IGSF1: variants seen among roughly 807,000 people sequenced by gnomAD.
IGSF1 encodes immunoglobulin-like domain-containing protein 1.
Under a neutral mutation model 95.3 loss-of-function variants are expected in IGSF1, and 40 were observed. The ratio of observed to expected loss-of-function variants is 0.42; its 90% confidence interval spans 0.33 to 0.55. IGSF1 has a LOEUF of 0.55. Among genes scored for constraint, IGSF1 ranks in the 20% least tolerant of loss-of-function variants. IGSF1 has a pLI of 0.10. For missense variants in IGSF1, 906 were observed against 1,025.4 expected (o/e 0.88, Z 1.59); for synonymous variants, 372 against 382.9 (o/e 0.97, Z 0.33).
chrX:131,275,833 T>C (rs1569401539), intron 15 of IGSF1, 68 bp from the exon 16 acceptor site: 2 of 1,156,909 alleles, frequency 1.7e-6, no homozygotes, highest in East Asian at 3.0e-5. Flanking sequence ...AAATTAACAC[T>C]CTATCTTTCT....
chrX:131,277,234 GCAAAAAACAAAAACAAAAA>G lies in IGSF1; in HGVS notation c.2321-27_2321-9del. On this transcript the variant is annotated splice_polypyrimidine_tract_variant and intron_variant, in intron 13 of 19. Coordinates refer to ENST00000361420, the MANE Select transcript of IGSF1 (RefSeq NM_001555.5). ...AGGGCTTAGGGTACATTTCTAGAAG[GCAAAAAACAAAAACAAAAA>G]CAAAAAACAAAATACAACACAAAAC... The G allele has an allele frequency of 8.7e-7, 1 of 1,146,397 alleles. No homozygotes were observed. 94.5% of individuals were successfully genotyped at this position (1,146,397 alleles called of 1,213,427 possible).
At position 131,286,668 on chromosome X, in the gene IGSF1, G is replaced by T. The variant is rs2080644638; in HGVS notation, c.7C>A (p.Leu3Met). Residue 3 changes from leucine (L) to methionine (M), a missense_variant, in exon 2 of 20, where the codon CTG becomes ATG. Leu to Met is a conservative substitution (Grantham distance 15). This residue lies in a region of IGSF1 where 442 missense variants were observed against 448.1 expected (regional missense o/e 0.99). Coordinates refer to ENST00000361420, the MANE Select transcript of IGSF1 (RefSeq NM_001555.5). MT[L>M]DRPGEGATML... ...GTGGCCCCCTCCCCTGGTCTGTCCA[G>T]GGTCATGGGGCCTCTGGTGCTGGCT... The T allele has an allele frequency of 1.9e-5, 22 of 1,162,876 alleles. No homozygotes were observed. Among genetic ancestry groups the T allele is most frequent in the Non-Finnish European group, 2.4e-5 (21 of 876,351 alleles).
intron 6 of IGSF1, 45 bp from the exon 7 acceptor site, chrX:131,282,782 T>G (rs766011990): frequency 9.1e-7 from 1 of 1,094,135 alleles, no homozygotes; most frequent in East Asian, 3.0e-5. Flanking sequence ...TTTCACTTCC[T>G]GCTCCCACTC....
chrX:131,279,348 A>G lies in IGSF1; in HGVS notation c.1647-7T>C, dbSNP rs2080522942. ...TCCCAGCAACCAGGCTTCTCTAGTGAGACCAGAAAAGAGATGAGAGGAGTT... is the reference window on the plus strand; with the variant it reads ...TCCCAGCAACCAGGCTTCTCTAGTGGGACCAGAAAAGAGATGAGAGGAGTT... On this transcript the variant is annotated splice_region_variant and splice_polypyrimidine_tract_variant and intron_variant, in intron 9 of 19. Transcript: ENST00000361420. 3 of 1,196,897 alleles carry G rather than the reference A, an allele frequency of 2.5e-6. No individual in the cohort carries two copies. Among genetic ancestry groups the G allele is most frequent in the Admixed American group, 2.2e-5 (1 of 45,770 alleles).
Position 131,275,231 on chromosome X carries a change from G to T in IGSF1, c.3240C>A (p.Gly1080=). ...LAQPGPMVAP[G]ENMTLQCQGE... Reference sequence around the variant, plus strand: ...CTTGACACTGAAGAGTCATATTTTCGCCAGGGGCCACCATGGGACCAGGCT... The same window carrying T: ...CTTGACACTGAAGAGTCATATTTTCTCCAGGGGCCACCATGGGACCAGGCT... Residue 1080 remains glycine, a synonymous_variant, in exon 17 of 20, where the codon GGC becomes GGA. Transcript: ENST00000361420. 3.3e-6 allele frequency: 4 copies of T among 1,210,813 alleles called. No individual in the cohort carries two copies. Among genetic ancestry groups the T allele is most frequent in the Middle Eastern group, 2.3e-4 (1 of 4,347 alleles).
rs926960648 is a variant in IGSF1, at chrX:131,285,621, C to G, written c.379+146G>C. The G allele has an allele frequency of 2.0e-5, 16 of 804,702 alleles. No individual in the cohort carries two copies. In the East Asian group the frequency reaches 5.2e-4, roughly 26 times the overall value. The allele number at this position is 804,702 out of a possible 1,213,427, so 66.3% of individuals were successfully genotyped here. On this transcript the variant is annotated intron_variant, in intron 4 of 19. Coordinates refer to ENST00000361420, the MANE Select transcript of IGSF1 (RefSeq NM_001555.5). ...CTCTGCTCCAGAGTCTGCATCCCCCCTCTGCATTGCCCAATACAAAGTAGG... is the reference window on the plus strand; with the variant it reads ...CTCTGCTCCAGAGTCTGCATCCCCCGTCTGCATTGCCCAATACAAAGTAGG...
intron 7 of IGSF1, 82 bp from the exon 8 acceptor site, chrX:131,282,026 A>G: frequency 1.1e-6 from 1 of 891,555 alleles, no homozygotes; most frequent in Non-Finnish European, 1.6e-6. Context: ...TGAGCTCCCC[A>G]TTTGATCTTC....
Position 131,274,741 on chromosome X carries a change from C to A in IGSF1, c.3609G>T (p.Gln1203His). The A allele has an allele frequency of 8.3e-7, 1 of 1,211,787 alleles. No homozygotes were observed. Among genetic ancestry groups the A allele is most frequent in the Non-Finnish European group, 1.1e-6 (1 of 895,451 alleles). The change falls in exon 18 of 20, where the codon CAG (glutamine) becomes CAT (histidine). Residue 1203 changes from glutamine (Q) to histidine (H), a missense_variant. Gln to His is a conservative substitution (Grantham distance 24, BLOSUM62 0). Transcript: ENST00000361420. ...CAAAGTCTCCATCCTCTGAAAACTG[C>A]TGAGGTGCTTCTTCTCCATCATGTT... ...VLEHDGEEAP[Q>H]QFSEDGDFVI...
Position 131,273,973 on chromosome X carries a change from C to T in IGSF1, c.3876-42G>A, listed in dbSNP as rs201482895. ...ACATGAGTAAGGGAGGACCCAGAAA[C>T]TGAAAACAGATTGCACGGTGGGGCT... On this transcript the variant is annotated intron_variant, in intron 19 of 19. Coordinates refer to ENST00000361420, the MANE Select transcript of IGSF1 (RefSeq NM_001555.5). 941 of 1,202,804 alleles carry T rather than the reference C, an allele frequency of 7.8e-4. 10 individuals carry two copies. Among genetic ancestry groups the T allele is most frequent in the Non-Finnish European group, 1.4e-4 (123 of 890,653 alleles).
intron 9 of IGSF1, among the ~76,000 whole-genome samples, chrX:131,280,461 G>C (rs891389930): frequency 1.8e-5 from 2 of 111,836 alleles, no homozygotes; most frequent in Admixed American, 1.9e-4. Context: ...AAGTAGACAA[G>C]GTATTCAGGA....
intron 5 of IGSF1, chrX:131,284,218 T>C (rs1029474041): frequency 3.1e-5 from 10 of 323,054 alleles, no homozygotes; most frequent in African/African-American, 2.6e-4. Flanking sequence ...TACATATATA[T>C]TTAGGCAAAT....
At chrX:131,287,170 T>TGC (rs1276810679) in intron 1 of IGSF1, among the ~76,000 whole-genome samples, 1 of 70,637 alleles carries the variant, frequency 1.4e-5, no homozygotes, top group Non-Finnish European at 2.8e-5. Flanking sequence ...TATATGTGTG[T>TGC]GTGTGTGTAT....
chrX:131,281,925 G>C lies in IGSF1; in HGVS notation c.1266C>G (p.Ser422=). 3 of 1,206,730 alleles carry C rather than the reference G, an allele frequency of 2.5e-6. No homozygotes were observed. Among genetic ancestry groups the C allele is most frequent in the Non-Finnish European group, 3.4e-6 (3 of 892,136 alleles). ...LMVVDKPPKP[S]LSAWPSTVFK... Reference sequence around the variant, plus strand: ...ACACAGTGCTTGGCCAAGCTGACAGGGAGGGTTTGGGGGGCTTATCTGAAA... The same window carrying C: ...ACACAGTGCTTGGCCAAGCTGACAGCGAGGGTTTGGGGGGCTTATCTGAAA... The change falls in exon 8 of 20, where the codon TCC becomes TCG. Residue 422 remains serine (S), a synonymous_variant. Coordinates refer to ENST00000361420, the MANE Select transcript of IGSF1 (RefSeq NM_001555.5).
In IGSF1 at chrX:131,273,572, G is replaced by T. The variant is rs140992019; in HGVS notation, c.*224C>A. ...ATGCATTTTTAATAGAATTTCATGCGCCAGTAAATCAGTACAGTGAGGAGT... is the reference window on the plus strand; with the variant it reads ...ATGCATTTTTAATAGAATTTCATGCTCCAGTAAATCAGTACAGTGAGGAGT... On this transcript the variant is annotated 3_prime_UTR_variant, in exon 20 of 20. Coordinates refer to ENST00000361420, the MANE Select transcript of IGSF1 (RefSeq NM_001555.5). 1.4e-3 allele frequency: 482 copies of T among 340,186 alleles called. 2 individuals are homozygous for T. In the South Asian group the frequency reaches 0.016, roughly 11 times the overall value. The allele number at this position is 340,186 out of a possible 1,213,427, so 28.0% of individuals were successfully genotyped here. A position where few individuals can be genotyped will look rare whatever the true frequency, so the allele number is the denominator to read the frequency against.
chrX:131,286,079 G>C, intron 3 of IGSF1, 31 bp from the exon 4 acceptor site: 1 of 1,134,650 alleles, frequency 8.8e-7, no homozygotes, highest in Non-Finnish European at 1.2e-6. Flanking sequence ...AAAGATATGA[G>C]CAGTCCAACC....
intron 8 of IGSF1, 91 bp from the exon 9 acceptor site, chrX:131,281,429 AG>A (rs2080557879): frequency 1.1e-5 from 12 of 1,067,948 alleles, no homozygotes; most frequent in Non-Finnish European, 1.4e-5. Flanking sequence ...GGTTACTGAC[AG>A]TGCTTATATT....
rs1197157665 is a variant in IGSF1 at position 131,275,239 on chromosome X, C to T, written c.3232G>A (p.Ala1078Thr). 2 of 1,211,011 alleles carry T rather than the reference C, an allele frequency of 1.7e-6. No individual in the cohort carries two copies. The highest frequency in any genetic ancestry group is 4.3e-5 in the Admixed American group (2 of 46,028). ...TGAAGAGTCATATTTTCGCCAGGGG[C>T]CACCATGGGACCAGGCTGGGCTAAT... ...SLLAQPGPMVAPGENMTLQCQ... is the reference protein window; with the variant it reads ...SLLAQPGPMVTPGENMTLQCQ... Residue 1078 changes from alanine to threonine, a missense_variant, in exon 17 of 20, where the codon GCC becomes ACC. Around this residue, in one of 5 missense-constraint regions of IGSF1, gnomAD observed 411 missense variants for 494.9 expected, o/e 0.83. Transcript: ENST00000361420.
chrX:131,280,946 G>A (rs1379253208), intron 9 of IGSF1: 28 of 257,942 alleles, frequency 1.1e-4, no homozygotes, highest in South Asian at 3.8e-4. Context: ...GTTTGTGGGC[G>A]AGATTTGGGC....
At position 131,277,953 on chromosome X, in the gene IGSF1, C is replaced by G; in HGVS notation, c.2223G>C (p.Glu741Asp). The change falls in exon 13 of 20, where the codon GAG (glutamate) becomes GAC (aspartate). Residue 741 changes from glutamate (E) to aspartate (D), a missense_variant. Transcript: ENST00000361420. ...REAFFTIQRM[E>D]DKDEGNYSCR... ...AGCTGTAATTGCCTTCGTCTTTATC[C>G]TCCATTCTCTGGATTGTAAAGAAGG... The G allele has an allele frequency of 1.7e-6, 2 of 1,210,765 alleles. No individual in the cohort carries two copies. The highest frequency in any genetic ancestry group is 2.2e-6 in the Non-Finnish European group (2 of 894,852).
Sources: gnomAD v4.1 joint callset for allele counts (sites outside exome capture counted in the v4.1 genomes callset) on GRCh38, gnomAD v4.1.1 for gene constraint, gnomAD v4.1.1 regional missense constraint, MANE v1.5 for transcripts, NCBI Gene and HGNC (gene_info 2026-07-23, HGNC 2026-07-21) for gene names.